Variants in NRG3 observed in about 807,000 individuals in gnomAD.
NRG3 encodes the protein neuregulin 3.
Under a neutral mutation model 66.9 loss-of-function variants are expected in NRG3, and 31 were observed. The observed-to-expected ratio is 0.46, with a 90% CI of 0.35 to 0.63. NRG3 has a LOEUF of 0.63. NRG3 is among the 20% of genes least tolerant of loss of function. NRG3 has a pLI of 0.00. For synonymous variants in NRG3, 393 were observed against 359.4 expected (o/e 1.09, Z -1.06); for missense variants, 910 against 878.9 (o/e 1.04, Z -0.45).
chr10:82,034,583 T>C (rs923823426), intron 1 of NRG3, among the ~76,000 whole-genome samples: 1 of 152,078 alleles, frequency 6.6e-6, no homozygotes, highest in Non-Finnish European at 1.5e-5. Context: ...GAGGTGAGGG[T>C]AAGGCAGACA....
intron 3 of NRG3, among the ~76,000 whole-genome samples, chr10:82,788,046 T>C (rs747173558): frequency 6.6e-6 from 1 of 152,232 alleles, no homozygotes; most frequent in Admixed American, 6.5e-5. Flanking sequence ...AGAGAAATTT[T>C]GAAAGCTGCT....
At chr10:82,877,562 G>GTTTTTTTTTCT in intron 4 of NRG3, among the ~76,000 whole-genome samples, 1 of 109,302 alleles carries the variant, frequency 9.1e-6, no homozygotes, top group Non-Finnish European at 1.7e-5. Context: ...TTTTTTTTTG[G>GTTTTTTTTTCT]ATTTTTAGTG....
rs551513453 is a variant in NRG3, at chr10:82,827,429, G to C, written c.1028-37982G>C. On this transcript the variant is annotated intron_variant, in intron 3 of 8. Transcript: ENST00000372141. Reference sequence around the variant, plus strand: ...AACTCCTAGGAAGGCTGATGAGCAGGTAGTACTTCCTGGAGCAGAATGGGC... The same window carrying C: ...AACTCCTAGGAAGGCTGATGAGCAGCTAGTACTTCCTGGAGCAGAATGGGC... Among the ~76,000 whole-genome samples, 8 of 152,204 alleles carry C rather than the reference G, an allele frequency of 5.3e-5. No homozygotes were observed. The South Asian group carries it at 1.7e-3, about 32-fold the overall frequency.
intron 4 of NRG3, among the ~76,000 whole-genome samples, chr10:82,915,796 A>G (rs1845773563): frequency 6.6e-6 from 1 of 152,204 alleles, no homozygotes; most frequent in Non-Finnish European, 1.5e-5. Context: ...CTAAACCTAA[A>G]AAATTCAGAT....
chr10:82,697,549 G>A (rs2246630), intron 2 of NRG3, among the ~76,000 whole-genome samples: 86,162 of 151,942 alleles, frequency 0.57, 26,931 homozygotes, highest in Non-Finnish European at 0.68. Flanking sequence ...CAAACACTAC[G>A]TCCAATTTTA....
rs115692188 is a variant in NRG3 at position 82,223,543 on chromosome 10, C to G, written c.824-135196C>G. ...GAGAATCAGAACTGGACATTTTGAA[C>G]AATGGAAAAAATTGATTTCCTCCTA... is the stretch of plus-strand genomic sequence containing the variant. On this transcript the variant is annotated intron_variant, in intron 1 of 8. Transcript: ENST00000372141. 8.5e-3 allele frequency among the ~76,000 whole-genome samples: 1,294 copies of G among 151,926 alleles called. 26 individuals are homozygous for G. Among genetic ancestry groups the G allele is most frequent in the African/African-American group, 0.03 (1,245 of 41,422 alleles).
chr10:82,028,872 GA>G (rs1177186260), intron 1 of NRG3, among the ~76,000 whole-genome samples: 1 of 152,018 alleles, frequency 6.6e-6, no homozygotes, highest in Non-Finnish European at 1.5e-5. Flanking sequence ...TAACTGCTGA[GA>G]ATCAGCACGG....
intron 1 of NRG3, among the ~76,000 whole-genome samples, chr10:82,119,137 CTTA>C (rs2067918703): frequency 6.6e-6 from 1 of 152,186 alleles, no homozygotes; most frequent in East Asian, 1.9e-4. Context: ...ACATCAAACA[CTTA>C]TTTTTTGTGG....
intron 2 of NRG3, among the ~76,000 whole-genome samples, chr10:82,383,522 T>C (rs998190600): frequency 2.0e-5 from 3 of 152,078 alleles, no homozygotes; most frequent in African/African-American, 7.2e-5. Context: ...TTTTTAATAA[T>C]GAAAGTACTT....
At chr10:82,437,855 G>A (rs905458180) in intron 2 of NRG3, among the ~76,000 whole-genome samples, 4 of 152,120 alleles carry the variant, frequency 2.6e-5, no homozygotes, top group African/African-American at 9.7e-5. Flanking sequence ...GCTCTATTCA[G>A]CTGATTTGCT....
At chr10:82,753,872 G>C (rs2058972978) in intron 3 of NRG3, among the ~76,000 whole-genome samples, 1 of 151,406 alleles carries the variant, frequency 6.6e-6, no homozygotes, top group South Asian at 2.1e-4. Flanking sequence ...GCTTGAGCCA[G>C]GGAGTCAGAG....
intron 2 of NRG3, among the ~76,000 whole-genome samples, chr10:82,488,830 A>G (rs973969817): frequency 1.3e-5 from 2 of 152,170 alleles, no homozygotes; most frequent in Admixed American, 6.5e-5. Flanking sequence ...TTTCATGAAG[A>G]TCTTCATACC....
chr10:82,686,690 G>T (rs1455647511), intron 2 of NRG3, among the ~76,000 whole-genome samples: 1 of 152,180 alleles, frequency 6.6e-6, no homozygotes, highest in African/African-American at 2.4e-5. Context: ...GTTATGCAGT[G>T]CATGAGTGTA....
chr10:81,875,825 C>T lies in NRG3; in HGVS notation c.485C>T (p.Thr162Met). Residue 162 changes from threonine to methionine, a missense_variant, in exon 1 of 9, where the codon ACG becomes ATG. Coordinates refer to ENST00000372141, the MANE Select transcript of NRG3 (RefSeq NM_001010848.4). The surrounding 1 kb of genome is among the most constrained non-coding windows in gnomAD (Gnocchi z 5.3). ...ATTAGCACTCGCCTGACCACCATCACGCGGGCGCCCACTCGCTTCCCCGGG... is the reference window on the plus strand; with the variant it reads ...ATTAGCACTCGCCTGACCACCATCATGCGGGCGCCCACTCGCTTCCCCGGG... ...NRISTRLTTITRAPTRFPGHR... is the reference protein window; with the variant it reads ...NRISTRLTTIMRAPTRFPGHR... 1.2e-6 allele frequency: 2 copies of T among 1,609,064 alleles called. No individual in the cohort carries two copies. Among genetic ancestry groups the T allele is most frequent in the South Asian group, 1.1e-5 (1 of 91,034 alleles).
intron 3 of NRG3, among the ~76,000 whole-genome samples, chr10:82,787,442 C>G (rs763490695): frequency 4.6e-5 from 7 of 152,120 alleles, no homozygotes; most frequent in Non-Finnish European, 7.3e-5. Flanking sequence ...TTTAGGTAAA[C>G]AAGGAGGAGC....
chr10:82,966,329 C>G (rs2132513712), intron 6 of NRG3, among the ~76,000 whole-genome samples: 1 of 152,136 alleles, frequency 6.6e-6, no homozygotes, highest in African/African-American at 2.4e-5. Flanking sequence ...TTTATGATGA[C>G]CATGACAGTT....
At chr10:82,781,315 A>T (rs982089824) in intron 3 of NRG3, among the ~76,000 whole-genome samples, 2 of 152,180 alleles carry the variant, frequency 1.3e-5, no homozygotes, top group Non-Finnish European at 2.9e-5. Flanking sequence ...TCAAGTTCTT[A>T]TTACTCTCTA....
At chr10:81,891,842 G>A (rs1330773182) in intron 1 of NRG3, among the ~76,000 whole-genome samples, 3 of 152,132 alleles carry the variant, frequency 2.0e-5, no homozygotes, top group African/African-American at 7.2e-5. Flanking sequence ...TGGACAAGAT[G>A]TGGCAAAGAT....
At chr10:82,390,634 A>G (rs575900823) in intron 2 of NRG3, among the ~76,000 whole-genome samples, 115 of 152,306 alleles carry the variant, frequency 7.6e-4, no homozygotes, top group African/African-American at 2.7e-3. Flanking sequence ...CTAATTGAAG[A>G]AAGTTACTTG....
Sources: gnomAD v4.1 joint callset for allele counts (sites outside exome capture counted in the v4.1 genomes callset) on GRCh38, gnomAD v4.1.1 for gene constraint, Gnocchi (gnomAD v3.1) non-coding constraint, MANE v1.5 for transcripts, NCBI Gene and HGNC (gene_info 2026-07-23, HGNC 2026-07-21) for gene names.